PTPN13: variants seen among roughly 807,000 people sequenced by gnomAD.
PTPN13 encodes protein tyrosine phosphatase non-receptor type 13.
A neutral mutation model predicts 284.0 loss-of-function variants in PTPN13; 191 were observed. The ratio of observed to expected loss-of-function variants is 0.67; its 90% CI spans 0.60 to 0.76. The LOEUF is 0.76. PTPN13 is among the 30% of genes least tolerant of loss of function. PTPN13 has a pLI of 0.00. For missense variants in PTPN13, 2,797 were observed against 2,939.9 expected (o/e 0.95, Z 1.12); for synonymous variants, 986 against 1,022.3 (o/e 0.96, Z 0.68).
At chr4:86,769,160 T>A (rs1392544787) in intron 28 of PTPN13, among the ~76,000 whole-genome samples, 1 of 152,210 alleles carries the variant, frequency 6.6e-6, no homozygotes, top group African/African-American at 2.4e-5. Flanking sequence ...GCAATTTATC[T>A]GAGTTAAATT....
intron 9 of PTPN13, among the ~76,000 whole-genome samples, chr4:86,719,177 TG>T (rs1733369722): frequency 6.6e-6 from 1 of 152,308 alleles, no homozygotes; most frequent in African/African-American, 2.4e-5. Context: ...TCCTTCTTTG[TG>T]TTCAGAAGTT....
intron 10 of PTPN13, among the ~76,000 whole-genome samples, chr4:86,725,852 G>T (rs539279898): frequency 1.3e-5 from 2 of 149,524 alleles, no homozygotes; most frequent in Non-Finnish European, 3.0e-5. Context: ...TTTGGCTTTC[G>T]TTGCCATTGC....
At position 86,635,240 on chromosome 4, in the gene PTPN13, T is replaced by C; in HGVS notation, c.-5-12T>C. The C allele has an allele frequency of 6.3e-7, 1 of 1,580,406 alleles. No homozygotes were observed. The highest frequency in any genetic ancestry group is 1.2e-5 in the South Asian group (1 of 85,986). On this transcript the variant is annotated splice_polypyrimidine_tract_variant and intron_variant, in intron 1 of 47. Coordinates refer to ENST00000411767, the MANE Select transcript of PTPN13 (RefSeq NM_080683.3). ...GCTGATGCATAGACCATCTGTTACC[T>C]TTGTTTCCCAGGTAATATGCACGTG... is the stretch of plus-strand genomic sequence containing the variant.
chr4:86,721,775 G>A (rs1733691436), intron 9 of PTPN13, among the ~76,000 whole-genome samples: 1 of 135,048 alleles, frequency 7.4e-6, no homozygotes, highest in African/African-American at 2.8e-5. Flanking sequence ...CCTCTCTTCT[G>A]TCACCCAGGA....
At chr4:86,668,267 CTT>C (rs922520164) in intron 2 of PTPN13, among the ~76,000 whole-genome samples, 1 of 152,098 alleles carries the variant, frequency 6.6e-6, no homozygotes, top group African/African-American at 2.4e-5. Context: ...TTTAAATATT[CTT>C]TTGTTAGCAT....
At position 86,767,993 on chromosome 4, in the gene PTPN13, C is replaced by G. The variant is rs957523381; in HGVS notation, c.4489+17C>G. 6 of 1,591,616 alleles carry G rather than the reference C, an allele frequency of 3.8e-6. No individual in the cohort carries two copies. The highest frequency in any genetic ancestry group is 2.3e-5 in the South Asian group (2 of 86,346). ...TCACTGAAGGTCAGGCCTTGGGAGA[C>G]TACAATCTCACCTTTAAATTATTCC... On this transcript the variant is annotated intron_variant, in intron 28 of 47. Coordinates refer to ENST00000411767, the MANE Select transcript of PTPN13 (RefSeq NM_080683.3).
chr4:86,672,335 A>AT, intron 2 of PTPN13, 30 bp from the exon 3 acceptor site: 4 of 1,474,766 alleles, frequency 2.7e-6, no homozygotes, highest in Non-Finnish European at 2.7e-6. Flanking sequence ...CTTTTTTTTT[A>AT]TTTTTTATTT....
At position 86,672,563 on chromosome 4, in the gene PTPN13, G is replaced by T. The variant is rs1231901783; in HGVS notation, c.294+20G>T. The T allele has an allele frequency of 3.2e-6, 5 of 1,566,932 alleles. No individual in the cohort carries two copies. The highest frequency in any genetic ancestry group is 4.3e-6 in the Non-Finnish European group (5 of 1,153,374). On this transcript the variant is annotated intron_variant, in intron 3 of 47. Coordinates refer to ENST00000411767, the MANE Select transcript of PTPN13 (RefSeq NM_080683.3). ...GAAAAGGTAACTGTTAAATTTTTTTGTTTGTTTTTTTATTTGGGTGGGGAT... is the reference window on the plus strand; with the variant it reads ...GAAAAGGTAACTGTTAAATTTTTTTTTTTGTTTTTTTATTTGGGTGGGGAT...
chr4:86,775,503 T>C lies in PTPN13; in HGVS notation c.5742T>C (p.Asn1914=), dbSNP rs561148920. 2.8e-5 allele frequency: 45 copies of C among 1,612,136 alleles called. No individual in the cohort carries two copies. Among genetic ancestry groups the C allele is most frequent in the East Asian group, 4.5e-5 (2 of 44,860 alleles). The change falls in exon 35 of 48, where the codon AAT becomes AAC. Residue 1914 remains asparagine, a synonymous_variant. Transcript: ENST00000411767. ...AAGTGGTATATATTAGTGATATTAA[T>C]CCAAGGTCCGTCGCAGCCATTGAGG... is the stretch of plus-strand genomic sequence containing the variant. The part of the protein sequence containing the change: ...LYQVVYISDI[N]PRSVAAIEGN...
chr4:86,603,141 ATGT>A (rs1764453473), intron 1 of PTPN13, among the ~76,000 whole-genome samples: 1 of 152,106 alleles, frequency 6.6e-6, no homozygotes, highest in African/African-American at 2.4e-5. Flanking sequence ...ATATTTTTTC[ATGT>A]TTTAGAAAGG....
chr4:86,810,831 C>T (rs559712180), intron 46 of PTPN13, among the ~76,000 whole-genome samples: 1 of 152,264 alleles, frequency 6.6e-6, no homozygotes, highest in South Asian at 2.1e-4. Context: ...AATAGATTAA[C>T]CTTCCCTAAT....
chr4:86,648,954 C>G (rs1724763541), intron 2 of PTPN13, among the ~76,000 whole-genome samples: 2 of 151,842 alleles, frequency 1.3e-5, no homozygotes, highest in Admixed American at 6.6e-5. Flanking sequence ...TTCATTGTAG[C>G]TTTAAATTTA....
intron 1 of PTPN13, among the ~76,000 whole-genome samples, chr4:86,598,151 C>CTT (rs56694801): frequency 2.8e-5 from 4 of 141,442 alleles, no homozygotes; most frequent in South Asian, 2.2e-4. Flanking sequence ...CTTTGTTGTG[C>CTT]TTTTTTTTTT....
Position 86,809,465 on chromosome 4 carries a change from AGGTG to A in PTPN13, c.7084-303_7084-300del. Among the ~76,000 whole-genome samples, 3 of 152,322 alleles carry A rather than the reference AGGTG, an allele frequency of 2.0e-5. No individual in the cohort carries two copies. The South Asian group carries it at 6.2e-4, about 32-fold the overall frequency. On this transcript the variant is annotated intron_variant, in intron 45 of 47. Transcript: ENST00000411767. ...GTAATCTCAACACTTTGGGAGGCCA[AGGTG>A]AGTGGATCAGTTGAGGTCAGGAGTT... is the stretch of plus-strand genomic sequence containing the variant.
intron 38 of PTPN13, 130 bp from the exon 39 acceptor site, chr4:86,785,101 C>A: frequency 1.6e-6 from 1 of 640,024 alleles, no homozygotes; most frequent in South Asian, 2.7e-5. Context: ...ACTACTTTTC[C>A]AGTCATTGCT....
intron 17 of PTPN13, among the ~76,000 whole-genome samples, chr4:86,747,047 T>C (rs1387906775): frequency 1.3e-5 from 2 of 152,250 alleles, no homozygotes; most frequent in Admixed American, 1.3e-4. Context: ...CATTCTTACT[T>C]TGACTAATAT....
At chr4:86,719,951 G>C (rs903481442) in intron 9 of PTPN13, among the ~76,000 whole-genome samples, 8 of 152,068 alleles carry the variant, frequency 5.3e-5, no homozygotes, top group African/African-American at 1.9e-4. Context: ...TGAAGCAAAA[G>C]CATGTGGGGA....
intron 7 of PTPN13, among the ~76,000 whole-genome samples, chr4:86,714,344 A>T (rs2149060439): frequency 6.6e-6 from 1 of 151,990 alleles, no homozygotes; most frequent in South Asian, 2.1e-4. Context: ...TCTGTTAGTT[A>T]CCTCTTTTAA....
intron 19 of PTPN13, 31 bp downstream of exon 19, chr4:86,751,155 C>G (rs762359900): frequency 8.4e-6 from 12 of 1,427,748 alleles, no homozygotes; most frequent in African/African-American, 4.2e-5. Context: ...CTTCTTTGTC[C>G]CATACCTCAT....
Sources: gnomAD v4.1 joint callset for allele counts (sites outside exome capture counted in the v4.1 genomes callset) on GRCh38, gnomAD v4.1.1 for gene constraint, MANE v1.5 for transcripts, NCBI Gene and HGNC (gene_info 2026-07-23, HGNC 2026-07-21) for gene names.